FAM216A: variants seen among roughly 807,000 people sequenced by gnomAD.
The protein encoded by FAM216A is family with sequence similarity 216 member A, also known as protein FAM216A.
FAM216A carries 26 observed loss-of-function variants against 37.6 expected under a neutral mutation model. The observed-to-expected ratio is 0.69, with a 90% confidence interval of 0.51 to 0.96. The LOEUF (loss-of-function observed/expected upper bound fraction) is 0.96, where lower values mean the gene tolerates loss of function less well. FAM216A is among the 40% of genes least tolerant of loss of function. FAM216A has a pLI of 0.00. For synonymous variants in FAM216A, 110 were observed against 121.7 expected, an observed-to-expected ratio of 0.90 and a Z score of 0.64; for missense variants, 326 against 339.3, an observed-to-expected ratio of 0.96 and a Z score of 0.31.
intron 2 of FAM216A, among the ~76,000 whole-genome samples, chr12:110,483,004 A>T (rs2135551698): frequency 6.6e-6 from 1 of 152,062 alleles, no homozygotes; most frequent in Non-Finnish European, 1.5e-5. Flanking sequence ...GGGAGTGTGC[A>T]GGGAAGAGGG....
intron 2 of FAM216A, among the ~76,000 whole-genome samples, chr12:110,481,577 T>G (rs972821116): frequency 1.3e-5 from 2 of 151,534 alleles, no homozygotes; most frequent in Non-Finnish European, 1.5e-5. Context: ...TGCCCAGGCT[T>G]GGTCTCGACT....
chr12:110,475,223 G>A (rs939280482), intron 2 of FAM216A, among the ~76,000 whole-genome samples: 3 of 152,120 alleles, frequency 2.0e-5, no homozygotes, highest in African/African-American at 7.2e-5. Flanking sequence ...GCCAACTACT[G>A]GCAGTGACTC....
chr12:110,473,456 C>G (rs1369089655), intron 2 of FAM216A, among the ~76,000 whole-genome samples: 1 of 152,212 alleles, frequency 6.6e-6, no homozygotes, highest in Non-Finnish European at 1.5e-5. Context: ...AGGTGATCCA[C>G]CTGCCTCCGC....
Position 110,478,604 on chromosome 12 carries a change from G to A in FAM216A, c.184+5486G>A, listed in dbSNP as rs567042472. Among the ~76,000 whole-genome samples the A allele has an allele frequency of 3.3e-5, 5 of 152,258 alleles. No individual in the cohort carries two copies. The South Asian group carries it at 1.0e-3, about 32-fold the overall frequency. ...ACCCCATTGTTGGCTTGAAGATGAA[G>A]AGAGCCACATGTCAAGGAAATAGGG... On this transcript the variant is annotated intron_variant, in intron 2 of 6. Coordinates refer to ENST00000377673, the MANE Select transcript of FAM216A (RefSeq NM_013300.3).
At chr12:110,469,125 C>A (rs1018585021) in intron 1 of FAM216A, 107 bp downstream of exon 1, 1 of 1,261,076 alleles carries the variant, frequency 7.9e-7, no homozygotes, top group East Asian at 3.0e-5. Context: ...CCTCTCGTCT[C>A]GGGGGCTGGC....
intron 2 of FAM216A, among the ~76,000 whole-genome samples, chr12:110,483,790 T>C (rs2062761299): frequency 1.3e-5 from 2 of 152,142 alleles, no homozygotes; most frequent in Non-Finnish European, 2.9e-5. Context: ...CACTCTAGCC[T>C]GGGCAATAGA....
At chr12:110,488,669 G>A (rs559497130) in intron 6 of FAM216A, among the ~76,000 whole-genome samples, 1 of 152,126 alleles carries the variant, frequency 6.6e-6, no homozygotes, top group African/African-American at 2.4e-5. Context: ...TCTTATAGTA[G>A]GCCCTTCTTA....
chr12:110,469,167 GT>G, intron 1 of FAM216A, 149 bp downstream of exon 1: 1 of 954,848 alleles, frequency 1.0e-6, no homozygotes, highest in Non-Finnish European at 1.4e-6. Flanking sequence ...GCGGGGAGCA[GT>G]TTTGTTGTGG....
At chr12:110,489,693 G>A (rs2062800737) in intron 6 of FAM216A, among the ~76,000 whole-genome samples, 1 of 152,128 alleles carries the variant, frequency 6.6e-6, no homozygotes, top group Non-Finnish European at 1.5e-5. Flanking sequence ...CAATAGAAGA[G>A]ATGAGAAGGA....
Position 110,490,218 on chromosome 12 carries a change from ATTG to A in FAM216A, c.*84_*86del. Reference sequence around the variant, plus strand: ...TTGTGTCCTGTATGTTTAGGATGGTATTGTTATTTATTAAATCATTAAGTAATT... The same window carrying A: ...TTGTGTCCTGTATGTTTAGGATGGTATTATTTATTAAATCATTAAGTAATT... On this transcript the variant is annotated 3_prime_UTR_variant, in exon 7 of 7. Transcript: ENST00000377673. The A allele has an allele frequency of 1.3e-6, 1 of 760,826 alleles. No homozygotes were observed. The highest frequency in any genetic ancestry group is 2.3e-6 in the Non-Finnish European group (1 of 428,136). The allele number at this position is 760,826 out of a possible 1,614,324, so 47.1% of individuals were successfully genotyped here. A position where few individuals can be genotyped will look rare whatever the true frequency, so the allele number is the denominator to read the frequency against.
intron 2 of FAM216A, among the ~76,000 whole-genome samples, chr12:110,480,271 T>C (rs1234143841): frequency 6.8e-6 from 1 of 146,766 alleles, no homozygotes; most frequent in African/African-American, 2.5e-5. Flanking sequence ...TGGCACGATC[T>C]TGGCTCACTG....
At chr12:110,489,417 T>C (rs1044810002) in intron 6 of FAM216A, among the ~76,000 whole-genome samples, 2 of 150,058 alleles carry the variant, frequency 1.3e-5, no homozygotes, top group Non-Finnish European at 3.0e-5. Context: ...GGCAGGAGAA[T>C]GGCGTGAACC....
intron 1 of FAM216A, among the ~76,000 whole-genome samples, chr12:110,472,162 C>T (rs2062690300): frequency 6.6e-6 from 1 of 151,166 alleles, no homozygotes; most frequent in Non-Finnish European, 1.5e-5. Flanking sequence ...ACCTGGAAGG[C>T]GGAGGTTGCA....
At chr12:110,483,328 C>T (rs1211126757) in intron 2 of FAM216A, among the ~76,000 whole-genome samples, 5 of 87,068 alleles carry the variant, frequency 5.7e-5, no homozygotes, top group Non-Finnish European at 1.0e-4. Flanking sequence ...GAGACTCCTT[C>T]TCAAAAAAAA....
chr12:110,487,917 G>T lies in FAM216A; in HGVS notation c.677G>T (p.Arg226Ile). Reference sequence around the variant, plus strand: ...TGTAAGTCACTGAAGATTTTTAGAAGACCAAGGAAACTGTTCATGCAAACA... The same window carrying T: ...TGTAAGTCACTGAAGATTTTTAGAATACCAAGGAAACTGTTCATGCAAACA... ...TRCKSLKIFRRPRKLFMQTVS... is the reference protein window; with the variant it reads ...TRCKSLKIFRIPRKLFMQTVS... Residue 226 changes from arginine to isoleucine, a missense_variant, in exon 6 of 7, where the codon AGA (arginine) becomes ATA (isoleucine). Physicochemically the swap from Arg to Ile is moderately conservative, Grantham distance 97. Transcript: ENST00000377673. 1 of 1,605,554 alleles carries T rather than the reference G, an allele frequency of 6.2e-7. No homozygotes were observed. The highest frequency in any genetic ancestry group is 1.1e-5 in the South Asian group (1 of 90,370).
At chr12:110,487,990 T>A in intron 6 of FAM216A, 47 bp downstream of exon 6, 1 of 1,029,056 alleles carries the variant, frequency 9.7e-7, no homozygotes, top group Non-Finnish European at 1.5e-6. Context: ...ATCTTATGCT[T>A]AAAAATACTA....
intron 6 of FAM216A, among the ~76,000 whole-genome samples, chr12:110,489,686 T>C (rs1318841875): frequency 6.6e-6 from 1 of 151,966 alleles, no homozygotes; most frequent in South Asian, 2.1e-4. Flanking sequence ...TGGTCCCCAA[T>C]AGAAGAGATG....
At chr12:110,477,850 G>A (rs1286645759) in intron 2 of FAM216A, among the ~76,000 whole-genome samples, 1 of 151,994 alleles carries the variant, frequency 6.6e-6, no homozygotes, top group South Asian at 2.1e-4. Context: ...TGGGACCACA[G>A]GTGCCTGCCA....
At chr12:110,484,671 C>T (rs756409416) in intron 2 of FAM216A, among the ~76,000 whole-genome samples, 1 of 151,630 alleles carries the variant, frequency 6.6e-6, no homozygotes, top group African/African-American at 2.4e-5. Context: ...AAATGGCATA[C>T]CATACAGTCT....
Sources: allele counts gnomAD v4.1 joint callset (sites outside exome capture counted in the v4.1 genomes callset), GRCh38; gene constraint gnomAD v4.1.1; transcripts MANE v1.5; gene names NCBI Gene and HGNC (gene_info 2026-07-23, HGNC 2026-07-21).